ARL6: variants seen among roughly 807,000 people sequenced by gnomAD.
ARL6 encodes ADP-ribosylation factor-like protein 6.
A neutral mutation model predicts 27.1 loss-of-function variants in ARL6; 18 were observed. The observed-to-expected ratio is 0.66, with a 90% CI of 0.46 to 0.98. The LOEUF (loss-of-function observed/expected upper bound fraction) is 0.98, where lower values mean the gene tolerates loss of function less well. ARL6 is among the 50% of genes least tolerant of loss of function. The pLI is 0.00. For missense variants in ARL6, 187 were observed against 214.9 expected (o/e 0.87, Z 0.81); for synonymous variants, 65 against 72.3 (o/e 0.90, Z 0.51).
chr3:97,768,270 C>A (rs2036479398), intron 2 of ARL6, 40 bp downstream of exon 2: 1 of 1,596,448 alleles, frequency 6.3e-7, no homozygotes, highest in African/African-American at 1.3e-5. Flanking sequence ...TTTTCTGCTA[C>A]TAAAGAAAAT....
intron 1 of ARL6, chr3:97,766,172 A>G (rs1054328198): frequency 6.6e-6 from 1 of 152,220 alleles, no homozygotes; most frequent in Non-Finnish European, 1.5e-5. Context: ...GGAAAATGTG[A>G]GAAGTTGTCG....
At chr3:97,777,556 T>A (rs773176913) in intron 2 of ARL6, among the ~76,000 whole-genome samples, 18 of 152,222 alleles carry the variant, frequency 1.2e-4, no homozygotes, top group Non-Finnish European at 2.2e-4. Flanking sequence ...TTATCTTTTT[T>A]AAATTATTAT....
At chr3:97,787,964 G>A in intron 5 of ARL6, 26 bp from the exon 6 acceptor site, 7 of 1,612,230 alleles carry the variant, frequency 4.3e-6, no homozygotes, top group Non-Finnish European at 5.9e-6. Context: ...CTGGAAGTGT[G>A]ATGATAATCT....
intron 2 of ARL6, among the ~76,000 whole-genome samples, chr3:97,772,423 T>C (rs1286499553): frequency 6.6e-6 from 1 of 152,026 alleles, no homozygotes; most frequent in African/African-American, 2.4e-5. Flanking sequence ...TTTCCTAGTT[T>C]ATCTAATGTC....
chr3:97,788,000 C>T lies in ARL6; in HGVS notation c.360C>T (p.His120=), dbSNP rs753358945. The T allele has an allele frequency of 2.5e-6, 4 of 1,613,174 alleles. No homozygotes were observed. In the South Asian group the frequency reaches 4.4e-5, roughly 18 times the overall value. Residue 120 remains histidine (H), a synonymous_variant, in exon 6 of 8, where the codon CAC becomes CAT. Transcript: ENST00000463745. ...TATTTTCTCTTTTAGATATTAAACACCGTCGAATTCCAATCTTATTCTTTG... is the reference window on the plus strand; with the variant it reads ...TATTTTCTCTTTTAGATATTAAACATCGTCGAATTCCAATCTTATTCTTTG... ...DTLLNHPDIK[H]RRIPILFFAN... is the part of the protein sequence containing the mutation.
chr3:97,789,324 G>A (rs912082368), intron 6 of ARL6, among the ~76,000 whole-genome samples: 2 of 152,062 alleles, frequency 1.3e-5, no homozygotes, highest in African/African-American at 4.8e-5. Flanking sequence ...TTGAGCTAGA[G>A]CCTTTATATT....
intron 2 of ARL6, among the ~76,000 whole-genome samples, chr3:97,768,438 GTCTTT>G (rs1273005804): frequency 2.0e-5 from 3 of 151,974 alleles, no homozygotes; most frequent in Admixed American, 6.6e-5. Flanking sequence ...ATTTTCAAAT[GTCTTT>G]TCTTTCAAAA....
At chr3:97,765,638 A>G (rs957027229) in intron 1 of ARL6, among the ~76,000 whole-genome samples, 1 of 152,194 alleles carries the variant, frequency 6.6e-6, no homozygotes, top group Non-Finnish European at 1.5e-5. Flanking sequence ...CTTTATTCTG[A>G]AAGCCAGTAG....
In ARL6 at chr3:97,789,941, T is replaced by G. The variant is rs75771232; in HGVS notation, c.479+1822T>G. Among the ~76,000 whole-genome samples, 837 of 152,094 alleles carry G rather than the reference T, an allele frequency of 5.5e-3. 7 individuals are homozygous for G. Among genetic ancestry groups the G allele is most frequent in the African/African-American group, 0.019 (791 of 41,518 alleles). On this transcript the variant is annotated intron_variant, in intron 6 of 7. Coordinates refer to ENST00000463745, the MANE Select transcript of ARL6 (RefSeq NM_001278293.3). ...TCTGATAAATTAAAGAAAAATTTTA[T>G]GTTTTATGTTTGACCATTGTACTAA...
In ARL6 at chr3:97,800,004, T is replaced by G. The variant is rs952996388; in HGVS notation, c.*1955T>G. On this transcript the variant is annotated 3_prime_UTR_variant, in exon 8 of 8. Coordinates refer to ENST00000463745, the MANE Select transcript of ARL6 (RefSeq NM_001278293.3). ...GAGACTACTCTTTGCTTTTTTTGTT[T>G]TCTTTTTTTTTCTTTTAAAGCTATT... 2 of 152,118 alleles carry G rather than the reference T, an allele frequency of 1.3e-5. No individual in the cohort carries two copies. Among genetic ancestry groups the G allele is most frequent in the Non-Finnish European group, 2.9e-5 (2 of 67,978 alleles). The allele number at this position is 152,118 out of a possible 1,614,324, so 9.4% of individuals were successfully genotyped here.
At chr3:97,780,812 T>C in intron 4 of ARL6, 129 bp downstream of exon 4, 1 of 717,230 alleles carries the variant, frequency 1.4e-6, no homozygotes, top group Non-Finnish European at 2.4e-6. Flanking sequence ...ATTTCCTATT[T>C]TAAAAAATAT....
intron 5 of ARL6, among the ~76,000 whole-genome samples, chr3:97,787,107 T>C (rs943288788): frequency 2.6e-5 from 4 of 152,170 alleles, no homozygotes; most frequent in African/African-American, 9.7e-5. Flanking sequence ...ATATACACAT[T>C]TATTCATTAC....
intron 5 of ARL6, among the ~76,000 whole-genome samples, 177 bp downstream of exon 5, chr3:97,785,226 T>C (rs1234675632): frequency 6.6e-6 from 1 of 151,788 alleles, no homozygotes; most frequent in African/African-American, 2.4e-5. Flanking sequence ...TTGTAAATTT[T>C]GCATGCAATG....
intron 2 of ARL6, among the ~76,000 whole-genome samples, chr3:97,775,451 C>A (rs1271956923): frequency 6.6e-6 from 1 of 151,740 alleles, no homozygotes; most frequent in Non-Finnish European, 1.5e-5. Context: ...CCAGCCTAGC[C>A]TTTTCAGGTT....
chr3:97,776,646 TTTTG>T (rs1337216533), intron 2 of ARL6, among the ~76,000 whole-genome samples: 1 of 151,352 alleles, frequency 6.6e-6, no homozygotes, highest in East Asian at 1.9e-4. Flanking sequence ...CCCTTATTCT[TTTTG>T]TTTATTTATT....
chr3:97,773,456 A>G (rs2036737126), intron 2 of ARL6, among the ~76,000 whole-genome samples: 1 of 152,190 alleles, frequency 6.6e-6, no homozygotes, highest in Non-Finnish European at 1.5e-5. Context: ...GTTGACACTC[A>G]GTATTAACCA....
At position 97,780,502 on chromosome 3, in the gene ARL6, C is replaced by T. The variant is rs192414222; in HGVS notation, c.186-113C>T. ...TAGAACTTTTACTTGTAAATTGGCA[C>T]ATGTTGAATATTGCATATGAAGGGT... On this transcript the variant is annotated intron_variant, in intron 3 of 7. Coordinates refer to ENST00000463745, the MANE Select transcript of ARL6 (RefSeq NM_001278293.3). The T allele has an allele frequency of 1.2e-5, 10 of 846,218 alleles. No homozygotes were observed. The Admixed American group carries it at 1.7e-4, about 14-fold the overall frequency. The allele number at this position is 846,218 out of a possible 1,614,324, so 52.4% of individuals were successfully genotyped here.
chr3:97,765,186 G>A (rs938523445), intron 1 of ARL6, among the ~76,000 whole-genome samples: 1 of 150,442 alleles, frequency 6.6e-6, no homozygotes, highest in African/African-American at 2.5e-5. Flanking sequence ...TTTTAACAAT[G>A]CTCAACTTAG....
In ARL6 at chr3:97,774,718, A is replaced by C. The variant is rs933727541; in HGVS notation, c.124-5441A>C. Among the ~76,000 whole-genome samples the C allele has an allele frequency of 7.9e-5, 12 of 152,294 alleles. No individual in the cohort carries two copies. In the South Asian group the frequency reaches 1.5e-3, roughly 18 times the overall value. On this transcript the variant is annotated intron_variant, in intron 2 of 7. Coordinates refer to ENST00000463745, the MANE Select transcript of ARL6 (RefSeq NM_001278293.3). Reference sequence around the variant, plus strand: ...GTGCATGCACCTTTCATTGCAGGTCAGCAACTGATATAAGAGCTTGTGCCT... The same window carrying C: ...GTGCATGCACCTTTCATTGCAGGTCCGCAACTGATATAAGAGCTTGTGCCT...
Sources: allele counts gnomAD v4.1 joint callset (sites outside exome capture counted in the v4.1 genomes callset), GRCh38; gene constraint gnomAD v4.1.1; transcripts MANE v1.5; gene names NCBI Gene and HGNC (gene_info 2026-07-23, HGNC 2026-07-21).